AK1: variants seen among roughly 807,000 people sequenced by gnomAD.
The protein encoded by AK1 is adenylate kinase 1, also known as adenylate kinase isoenzyme 1.
Under a neutral mutation model 23.9 loss-of-function variants are expected in AK1, and 13 were observed. That is an observed-to-expected ratio of 0.54 (90% CI 0.35 to 0.86). The LOEUF (loss-of-function observed/expected upper bound fraction) is 0.86, where lower values mean the gene tolerates loss of function less well. Among genes scored for constraint, AK1 ranks in the 40% least tolerant of loss-of-function variants. The pLI, the probability that AK1 is intolerant of heterozygous loss-of-function variation, is 0.01. For missense variants in AK1, 214 were observed against 255.1 expected (o/e 0.84, Z 1.10); for synonymous variants, 97 against 102.8 (o/e 0.94, Z 0.34).
intron 4 of AK1, among the ~76,000 whole-genome samples, chr9:127,872,245 T>C (rs370080683): frequency 5.3e-5 from 8 of 151,990 alleles, no homozygotes; most frequent in African/African-American, 1.5e-4. Flanking sequence ...GCTCAGGGGC[T>C]GGTGAGGGGA....
rs1356373141 is a variant in AK1 at position 127,866,938 on chromosome 9, G to C, written c.*1070C>G. On this transcript the variant is annotated 3_prime_UTR_variant, in exon 7 of 7. Transcript: ENST00000644144. ...GGAAACGGCTCACAGAGGGTGGGCT[G>C]TGTCCAGGGCCACACAGGGGGAGGT... 2.0e-5 allele frequency: 3 copies of C among 151,880 alleles called. No homozygotes were observed. The highest frequency in any genetic ancestry group is 4.4e-5 in the Non-Finnish European group (3 of 68,032). The allele number at this position is 151,880 out of a possible 1,614,324, so 9.4% of individuals were successfully genotyped here.
Position 127,868,282 on chromosome 9 carries a change from C to T in AK1, c.516+39G>A, listed in dbSNP as rs370170122. 27 of 1,548,062 alleles carry T rather than the reference C, an allele frequency of 1.7e-5. No homozygotes were observed. In the East Asian group the frequency reaches 3.1e-4, roughly 18 times the overall value. On this transcript the variant is annotated intron_variant, in intron 6 of 6. Coordinates refer to ENST00000644144, the MANE Select transcript of AK1 (RefSeq NM_000476.3). This position sits in a 1 kb window ranked among gnomAD's most constrained non-coding sequence, Gnocchi z 4.1. Reference sequence around the variant, plus strand: ...GCTGAGGCGGAGCCACATAGGAACCCGTTCTTCCCGGAGCTGCCCCTGGGC... The same window carrying T: ...GCTGAGGCGGAGCCACATAGGAACCTGTTCTTCCCGGAGCTGCCCCTGGGC...
Position 127,876,745 on chromosome 9 carries a change from G to T in AK1, c.-33+878C>A, listed in dbSNP as rs139144698. ...CTTGATCCAAAATAACTTGGGTCGT[G>T]AGGAGGCCTCACAGAGGACAGGGGT... On this transcript the variant is annotated intron_variant, in intron 1 of 6. Coordinates refer to ENST00000644144, the MANE Select transcript of AK1 (RefSeq NM_000476.3). 8.9e-4 allele frequency among the ~76,000 whole-genome samples: 135 copies of T among 151,632 alleles called. 1 individual carries two copies. In the East Asian group the frequency reaches 0.019, roughly 22 times the overall value.
chr9:127,874,547 C>T (rs1829493682), intron 2 of AK1, 64 bp downstream of exon 2: 4 of 1,612,098 alleles, frequency 2.5e-6, no homozygotes, highest in African/African-American at 2.7e-5. Flanking sequence ...CCTGAGAGCG[C>T]ACCCCCTTAA....
At chr9:127,875,029 G>A (rs1829505100) in intron 1 of AK1, 2 of 280,672 alleles carry the variant, frequency 7.1e-6, no homozygotes, top group Admixed American at 8.5e-5. Flanking sequence ...CGCAGGGCCA[G>A]CGTCTGCCCA....
In AK1 at chr9:127,872,198, C is replaced by T. The variant is rs547373412; in HGVS notation, c.208-259G>A. Among the ~76,000 whole-genome samples, 50 of 152,298 alleles carry T rather than the reference C, an allele frequency of 3.3e-4. 1 individual carries two copies. The highest frequency in any genetic ancestry group is 3.4e-3 in the Middle Eastern group (1 of 294). On this transcript the variant is annotated intron_variant, in intron 4 of 6. Coordinates refer to ENST00000644144, the MANE Select transcript of AK1 (RefSeq NM_000476.3). ...GGTGCTGTCCTGGGTCCCGAGGACACGGCCATGGACCAATTAGGCCTTCCC... is the reference window on the plus strand; with the variant it reads ...GGTGCTGTCCTGGGTCCCGAGGACATGGCCATGGACCAATTAGGCCTTCCC...
rs769700986 is a variant in AK1 at position 127,871,011 on chromosome 9, G to A, written c.324+812C>T. Among the ~76,000 whole-genome samples, 5 of 151,838 alleles carry A rather than the reference G, an allele frequency of 3.3e-5. No homozygotes were observed. Among genetic ancestry groups the A allele is most frequent in the Non-Finnish European group, 5.9e-5 (4 of 68,044 alleles). The stretch of plus-strand genomic sequence containing the variant: ...TGCACAGGGCCATGTGTGCGAGCAC[G>A]TGTGCATTCCTGCATATGTGTGCTG... On this transcript the variant is annotated intron_variant, in intron 5 of 6. Coordinates refer to ENST00000644144, the MANE Select transcript of AK1 (RefSeq NM_000476.3). The surrounding 1 kb of genome is among the most constrained non-coding windows in gnomAD (Gnocchi z 4.4).
rs781654996 is a variant in AK1, at chr9:127,868,363, T to G, written c.474A>C (p.Glu158Asp). Reference protein sequence around the residue: ...KRLETYYKATEPVIAFYEKRG... With the variant: ...KRLETYYKATDPVIAFYEKRG... ...GTTTCTCATAGAAGGCGATGACAGGTTCTGTGGCCTTGTAATAGGTCTCCA... is the reference window on the plus strand; with the variant it reads ...GTTTCTCATAGAAGGCGATGACAGGGTCTGTGGCCTTGTAATAGGTCTCCA... Residue 158 changes from glutamate (E) to aspartate (D), a missense_variant, in exon 6 of 7, where the codon GAA (glutamate) becomes GAC (aspartate). Coordinates refer to ENST00000644144, the MANE Select transcript of AK1 (RefSeq NM_000476.3). The surrounding 1 kb of genome is among the most constrained non-coding windows in gnomAD (Gnocchi z 4.1). 1 of 1,610,302 alleles carries G rather than the reference T, an allele frequency of 6.2e-7. No homozygotes were observed. Among genetic ancestry groups the G allele is most frequent in the Admixed American group, 1.7e-5 (1 of 59,524 alleles).
chr9:127,877,797 C>CG (rs1344630869), upstream of AK1: 1 of 152,238 alleles, frequency 6.6e-6, no homozygotes, highest in East Asian at 1.9e-4. This position sits in a 1 kb window ranked among gnomAD's most constrained non-coding sequence, Gnocchi z 5.2. Context: ...GACCGGGAAG[C>CG]GGGGCGGGAC....
At position 127,871,251 on chromosome 9, in the gene AK1, T is replaced by C. The variant is rs909416754; in HGVS notation, c.324+572A>G. Among the ~76,000 whole-genome samples the C allele has an allele frequency of 6.6e-6, 1 of 151,652 alleles. No homozygotes were observed. Among genetic ancestry groups the C allele is most frequent in the African/African-American group, 2.4e-5 (1 of 40,926 alleles). ...GCTCAGGGCCATCATTTTCCAGGCC[T>C]GCTCTTTCCAGCCAGGCTCCTCATG... On this transcript the variant is annotated intron_variant, in intron 5 of 6. Coordinates refer to ENST00000644144, the MANE Select transcript of AK1 (RefSeq NM_000476.3). The surrounding 1 kb of genome is among the most constrained non-coding windows in gnomAD (Gnocchi z 4.4).
rs1491400852 is a variant in AK1, at chr9:127,868,304, G to GGGCCCGC, written c.516+10_516+16dup. 6.4e-7 allele frequency: 1 copy of GGGCCCGC among 1,561,884 alleles called. No individual in the cohort carries two copies. Among genetic ancestry groups the GGGCCCGC allele is most frequent in the Admixed American group, 1.9e-5 (1 of 52,170 alleles). On this transcript the variant is annotated intron_variant, in intron 6 of 6. Transcript: ENST00000644144. This position sits in a 1 kb window ranked among gnomAD's most constrained non-coding sequence, Gnocchi z 4.1. ...ACCCGTTCTTCCCGGAGCTGCCCCT[G>GGGCCCGC]GGCCCGCGGGGCCCACCTTGCGCAC... is the stretch of plus-strand genomic sequence containing the variant.
rs1208347724 is a variant in AK1 at position 127,870,113 on chromosome 9, G to A, written c.325-1601C>T. 2.6e-5 allele frequency among the ~76,000 whole-genome samples: 4 copies of A among 152,210 alleles called. 1 individual carries two copies. In the South Asian group the frequency reaches 6.2e-4, roughly 24 times the overall value. ...CCAGAGCCAAGAAGACCAGCTGCCC[G>A]GACACCTGGAGGCCACAGCAGGGAT... On this transcript the variant is annotated intron_variant, in intron 5 of 6. Coordinates refer to ENST00000644144, the MANE Select transcript of AK1 (RefSeq NM_000476.3).
chr9:127,875,673 C>G (rs964861502), intron 1 of AK1, among the ~76,000 whole-genome samples: 1 of 151,960 alleles, frequency 6.6e-6, no homozygotes, highest in African/African-American at 2.4e-5. Context: ...CCGAGACAGG[C>G]CCCAGAAGCC....
chr9:127,874,585 T>C (rs1829494772), intron 2 of AK1, 26 bp downstream of exon 2: 4 of 1,613,102 alleles, frequency 2.5e-6, no homozygotes, highest in Middle Eastern at 1.8e-4. Flanking sequence ...GCCCAGGCAA[T>C]GGGCAAAAGG....
Position 127,871,714 on chromosome 9 carries a change from T to C in AK1, c.324+109A>G, listed in dbSNP as rs1829414004. The C allele has an allele frequency of 2.3e-5, 20 of 880,710 alleles. No homozygotes were observed. The highest frequency in any genetic ancestry group is 3.6e-5 in the Non-Finnish European group (19 of 521,478). The allele number at this position is 880,710 out of a possible 1,614,324, so 54.6% of individuals were successfully genotyped here. A position where few individuals can be genotyped will look rare whatever the true frequency, so the allele number is the denominator to read the frequency against. ...CTCACCCACACTCCATGAATCAGCCTCTGCTCAGAACTCTGACCTGCATCA... is the reference window on the plus strand; with the variant it reads ...CTCACCCACACTCCATGAATCAGCCCCTGCTCAGAACTCTGACCTGCATCA... On this transcript the variant is annotated intron_variant, in intron 5 of 6. Transcript: ENST00000644144. This position sits in a 1 kb window ranked among gnomAD's most constrained non-coding sequence, Gnocchi z 4.4.
chr9:127,872,595 AGCT>A, intron 4 of AK1, 92 bp downstream of exon 4: 1 of 1,552,696 alleles, frequency 6.4e-7, no homozygotes, highest in East Asian at 2.2e-5. Context: ...GGTTACGGTC[AGCT>A]TTGCCTGTGT....
intron 4 of AK1, among the ~76,000 whole-genome samples, chr9:127,872,216 G>T (rs1173128619): frequency 6.6e-6 from 1 of 152,186 alleles, no homozygotes; most frequent in African/African-American, 2.4e-5. Flanking sequence ...GACCAATTAG[G>T]CCTTCCCTGC....
rs767491704 is a variant in AK1, at chr9:127,871,933, C to CT, written c.213dup (p.Val72SerfsTer22). On this transcript the variant is annotated frameshift_variant, in exon 5 of 7. Coordinates refer to ENST00000644144, the MANE Select transcript of AK1 (RefSeq NM_000476.3). LOFTEE classifies it high-confidence loss of function. The surrounding 1 kb of genome is among the most constrained non-coding windows in gnomAD (Gnocchi z 4.4). ...ATGGCATCCCGGAGCATGTCCAACA[C>CT]TGTCTCCTGGGGCACAGCAAAGGAG... 1 of 1,613,806 alleles carries CT rather than the reference C, an allele frequency of 6.2e-7. No homozygotes were observed. Among genetic ancestry groups the CT allele is most frequent in the Non-Finnish European group, 8.5e-7 (1 of 1,179,788 alleles).
intron 5 of AK1, among the ~76,000 whole-genome samples, chr9:127,869,911 C>T (rs1829347925): frequency 6.6e-6 from 1 of 152,254 alleles, no homozygotes; most frequent in Non-Finnish European, 1.5e-5. Context: ...GCCAGCTCAG[C>T]CTCTGGGCTT....
Sources: gnomAD v4.1 joint callset for allele counts (sites outside exome capture counted in the v4.1 genomes callset) on GRCh38, gnomAD v4.1.1 for gene constraint, Gnocchi (gnomAD v3.1) non-coding constraint, MANE v1.5 for transcripts, NCBI Gene and HGNC (gene_info 2026-07-23, HGNC 2026-07-21) for gene names.